ARIH1: variants seen among roughly 807,000 people sequenced by gnomAD.
The protein encoded by ARIH1 is E3 ubiquitin-protein ligase ARIH1.
ARIH1 carries 8 observed loss-of-function variants against 85.0 expected under a neutral mutation model. That is an observed-to-expected ratio of 0.09 (90% CI 0.06 to 0.17). The LOEUF is 0.17. ARIH1 is among the 10% of genes least tolerant of loss of function. The probability of loss-of-function intolerance (pLI) is 1.00; values close to 1 mark genes in which losing one functional copy is unlikely to be tolerated. For missense variants in ARIH1, 311 were observed against 718.1 expected, an observed-to-expected ratio of 0.43 and a Z score of 6.48; for synonymous variants, 238 against 253.6, an observed-to-expected ratio of 0.94 and a Z score of 0.59.
chr15:72,517,681 C>A (rs1360810959), intron 1 of ARIH1, among the ~76,000 whole-genome samples: 1 of 152,150 alleles, frequency 6.6e-6, no homozygotes, highest in Non-Finnish European at 1.5e-5. Flanking sequence ...GCCTTGGCCT[C>A]TCTAAGTGCT....
intron 11 of ARIH1, among the ~76,000 whole-genome samples, chr15:72,573,357 TC>T (rs1265386065): frequency 2.0e-5 from 3 of 152,082 alleles, no homozygotes; most frequent in Non-Finnish European, 4.4e-5. Context: ...GGTCGGGAGT[TC>T]CAGACCAGCC....
intron 2 of ARIH1, 105 bp downstream of exon 2, chr15:72,518,239 T>C: frequency 1.1e-6 from 1 of 886,030 alleles, no homozygotes; most frequent in Non-Finnish European, 1.7e-6. Flanking sequence ...TACCAGTATG[T>C]GGACAACCCA....
At chr15:72,476,527 G>A (rs1363095781) in intron 1 of ARIH1, among the ~76,000 whole-genome samples, 1 of 151,754 alleles carries the variant, frequency 6.6e-6, no homozygotes, top group Non-Finnish European at 1.5e-5. Context: ...ACCATGCTCA[G>A]CTAATTTTTT....
intron 12 of ARIH1, chr15:72,581,740 A>G (rs910351895): frequency 7.7e-5 from 14 of 181,128 alleles, no homozygotes; most frequent in African/African-American, 2.6e-4. Context: ...ATAGGTTTCT[A>G]TTTTTTCTCA....
rs1008667234 is a variant in ARIH1 at position 72,588,589 on chromosome 15, A to T, written c.*5297A>T. 1 of 152,166 alleles carries T rather than the reference A, an allele frequency of 6.6e-6. No homozygotes were observed. Among genetic ancestry groups the T allele is most frequent in the African/African-American group, 2.4e-5 (1 of 41,448 alleles). The allele number at this position is 152,166 out of a possible 1,614,324, so 9.4% of individuals were successfully genotyped here. A position where few individuals can be genotyped will look rare whatever the true frequency, so the allele number is the denominator to read the frequency against. On this transcript the variant is annotated 3_prime_UTR_variant, in exon 14 of 14. Coordinates refer to ENST00000379887, the MANE Select transcript of ARIH1 (RefSeq NM_005744.5). Reference sequence around the variant, plus strand: ...AGAGAATATAGGCGAGCAACTCCAGATCATAAGGGACAAAATGATTCAAGG... The same window carrying T: ...AGAGAATATAGGCGAGCAACTCCAGTTCATAAGGGACAAAATGATTCAAGG...
In ARIH1 at chr15:72,595,525, C is replaced by G. The variant is rs2064360094; in HGVS notation, c.*12233C>G. 1 of 152,312 alleles carries G rather than the reference C, an allele frequency of 6.6e-6. No homozygotes were observed. Among genetic ancestry groups the G allele is most frequent in the African/African-American group, 2.4e-5 (1 of 41,426 alleles). 9.4% of individuals were successfully genotyped at this position (152,312 alleles called of 1,614,324 possible). A position where few individuals can be genotyped will look rare whatever the true frequency, so the allele number is the denominator to read the frequency against. On this transcript the variant is annotated 3_prime_UTR_variant, in exon 14 of 14. Transcript: ENST00000379887. ...TGAGACAGGGTCTCTGTCACGCAGG[C>G]TGGAGTGTGGTGGCATGAACGTGGC...
At chr15:72,547,382 G>A (rs1028176560) in intron 3 of ARIH1, among the ~76,000 whole-genome samples, 7 of 151,282 alleles carry the variant, frequency 4.6e-5, no homozygotes, top group Non-Finnish European at 8.8e-5. Flanking sequence ...ACAAGCGCCG[G>A]CCACCACACC....
Position 72,602,504 on chromosome 15 carries a change from A to T in ARIH1, c.*19212A>T, listed in dbSNP as rs1428916919. 6.6e-6 allele frequency: 1 copy of T among 152,200 alleles called. No individual in the cohort carries two copies. The highest frequency in any genetic ancestry group is 1.5e-5 in the Non-Finnish European group (1 of 68,044). The allele number at this position is 152,200 out of a possible 1,614,324, so 9.4% of individuals were successfully genotyped here. The stretch of plus-strand genomic sequence containing the variant: ...CTAATTTGCTACACTCTAAATTCCC[A>T]ATTCATACTTAAGTCTCGCCCTTGC... On this transcript the variant is annotated 3_prime_UTR_variant, in exon 14 of 14. Transcript: ENST00000379887.
rs1379934738 is a variant in ARIH1, at chr15:72,589,283, A to G, written c.*5991A>G. On this transcript the variant is annotated 3_prime_UTR_variant, in exon 14 of 14. Transcript: ENST00000379887. The stretch of plus-strand genomic sequence containing the variant: ...TCTGATTCCATATGTTCATTCTATT[A>G]TGCTGCTGTTGTCTGTTACATAGGA... The G allele has an allele frequency of 1.3e-5, 2 of 152,212 alleles. No homozygotes were observed. The highest frequency in any genetic ancestry group is 3.8e-4 in the East Asian group (2 of 5,198). 9.4% of individuals were successfully genotyped at this position (152,212 alleles called of 1,614,324 possible). A position where few individuals can be genotyped will look rare whatever the true frequency, so the allele number is the denominator to read the frequency against.
intron 1 of ARIH1, among the ~76,000 whole-genome samples, chr15:72,512,589 T>C (rs1017797930): frequency 2.6e-5 from 4 of 151,088 alleles, no homozygotes; most frequent in Admixed American, 2.0e-4. Flanking sequence ...TTGCTTTGGG[T>C]TTTTCTTTTT....
Position 72,528,641 on chromosome 15 carries a change from C to T in ARIH1, c.443+10507C>T, listed in dbSNP as rs568839332. On this transcript the variant is annotated intron_variant, in intron 2 of 13. Transcript: ENST00000379887. ...GACTGTGGCAGGAAGATCGCTTGAGCGTAGGAGTTTGAGACTAGCCTGGAC... is the reference window on the plus strand; with the variant it reads ...GACTGTGGCAGGAAGATCGCTTGAGTGTAGGAGTTTGAGACTAGCCTGGAC... 2.1e-3 allele frequency among the ~76,000 whole-genome samples: 320 copies of T among 152,160 alleles called. 1 individual carries two copies. The highest frequency in any genetic ancestry group is 5.3e-3 in the Admixed American group (81 of 15,284).
intron 11 of ARIH1, among the ~76,000 whole-genome samples, chr15:72,580,023 T>C (rs894447484): frequency 3.3e-5 from 5 of 152,190 alleles, no homozygotes; most frequent in Non-Finnish European, 7.3e-5. Flanking sequence ...ATCTCAAAAC[T>C]TACTCATCCA....
intron 2 of ARIH1, among the ~76,000 whole-genome samples, chr15:72,530,630 C>T (rs1259068899): frequency 6.6e-6 from 1 of 152,118 alleles, no homozygotes; most frequent in Non-Finnish European, 1.5e-5. Context: ...AACATAACAA[C>T]CTGGAACTTA....
chr15:72,526,697 G>A (rs76557222), intron 2 of ARIH1, among the ~76,000 whole-genome samples: 7 of 152,096 alleles, frequency 4.6e-5, no homozygotes, highest in African/African-American at 7.2e-5. Context: ...CAACCTGGGC[G>A]ACAGAGGAAG....
At chr15:72,576,815 T>C (rs1382368716) in intron 11 of ARIH1, among the ~76,000 whole-genome samples, 1 of 152,076 alleles carries the variant, frequency 6.6e-6, no homozygotes, top group Non-Finnish European at 1.5e-5. Context: ...ATTCAGGGGT[T>C]AGGGACACTA....
chr15:72,565,033 G>T (rs1404434693), intron 7 of ARIH1, among the ~76,000 whole-genome samples: 1 of 152,096 alleles, frequency 6.6e-6, no homozygotes, highest in Non-Finnish European at 1.5e-5. Context: ...AGCCAATCAA[G>T]TCAAGGGGCT....
chr15:72,549,185 T>A (rs2064142534), intron 3 of ARIH1, among the ~76,000 whole-genome samples: 1 of 151,624 alleles, frequency 6.6e-6, no homozygotes, highest in Non-Finnish European at 1.5e-5. Context: ...CCCCGCAGTT[T>A]CAAGCGATTC....
chr15:72,595,629 C>T lies in ARIH1; in HGVS notation c.*12337C>T, dbSNP rs1734958652. 6.6e-6 allele frequency: 1 copy of T among 151,568 alleles called. No individual in the cohort carries two copies. Among genetic ancestry groups the T allele is most frequent in the African/African-American group, 2.4e-5 (1 of 41,256 alleles). 9.4% of individuals were successfully genotyped at this position (151,568 alleles called of 1,614,324 possible). A position where few individuals can be genotyped will look rare whatever the true frequency, so the allele number is the denominator to read the frequency against. ...GAGTAGCTGGGACCACAGGTGTGCG[C>T]TACCACAGCTGGCTAATTTTTCTTT... On this transcript the variant is annotated 3_prime_UTR_variant, in exon 14 of 14. Transcript: ENST00000379887.
At chr15:72,521,036 G>A (rs2063997308) in intron 2 of ARIH1, among the ~76,000 whole-genome samples, 1 of 151,666 alleles carries the variant, frequency 6.6e-6, no homozygotes, top group African/African-American at 2.4e-5. Flanking sequence ...GTAGAGATGG[G>A]GTTTCACCAT....
Sources: allele counts gnomAD v4.1 joint callset (sites outside exome capture counted in the v4.1 genomes callset), GRCh38; gene constraint gnomAD v4.1.1; transcripts MANE v1.5; gene names NCBI Gene and HGNC (gene_info 2026-07-23, HGNC 2026-07-21).